The following ZNF804B variants were observed in gnomAD, a reference collection of about 807,000 sequenced individuals.
The protein encoded by ZNF804B is zinc finger protein 804B.
In ZNF804B, 80 loss-of-function variants were observed where a neutral mutation model predicts 101.4. The observed-to-expected ratio is 0.79, with a 90% CI of 0.66 to 0.95. The LOEUF (loss-of-function observed/expected upper bound fraction) is 0.95. Ranked by LOEUF, ZNF804B falls within the 40% of genes least tolerant of loss-of-function variation. The pLI, the probability that ZNF804B is intolerant of heterozygous loss-of-function variation, is 0.00. For synonymous variants in ZNF804B, 622 were observed against 558.8 expected, an observed-to-expected ratio of 1.11 and a Z score of -1.59; for missense variants, 1,673 against 1,561.9, an observed-to-expected ratio of 1.07 and a Z score of -1.20.
intron 1 of ZNF804B, among the ~76,000 whole-genome samples, chr7:88,855,926 A>G (rs1298293689): frequency 6.6e-6 from 1 of 152,122 alleles, no homozygotes; most frequent in Non-Finnish European, 1.5e-5. Flanking sequence ...GATATGTGGC[A>G]TTATTTCTGA....
At position 89,338,004 on chromosome 7, in the gene ZNF804B, A is replaced by G. The variant is rs1052337374; in HGVS notation, c.*972A>G. Among the ~76,000 whole-genome samples, 1 of 152,100 alleles carries G rather than the reference A, an allele frequency of 6.6e-6. No individual in the cohort carries two copies. Reference sequence around the variant, plus strand: ...TATCTGGTGTGTTTTATTCAATTGTACTAGATATTTATGAAACAATGAATA... The same window carrying G: ...TATCTGGTGTGTTTTATTCAATTGTGCTAGATATTTATGAAACAATGAATA... On this transcript the variant is annotated 3_prime_UTR_variant, in exon 4 of 4. Transcript: ENST00000333190.
chr7:89,045,414 G>A (rs1789090042), intron 1 of ZNF804B, among the ~76,000 whole-genome samples: 1 of 152,174 alleles, frequency 6.6e-6, no homozygotes, highest in African/African-American at 2.4e-5. Flanking sequence ...CCATTCTCCA[G>A]ACCCCAGAAT....
intron 2 of ZNF804B, among the ~76,000 whole-genome samples, chr7:89,252,505 C>T (rs966846695): frequency 2.0e-5 from 3 of 152,144 alleles, no homozygotes; most frequent in African/African-American, 7.2e-5. Flanking sequence ...ACAGGACTAC[C>T]ATTTGATCCA....
intron 1 of ZNF804B, among the ~76,000 whole-genome samples, chr7:89,070,798 A>G (rs1356614886): frequency 1.3e-5 from 2 of 152,064 alleles, no homozygotes; most frequent in Admixed American, 6.6e-5. Flanking sequence ...TCTCGAACTC[A>G]AGGAGCTCGC....
intron 1 of ZNF804B, among the ~76,000 whole-genome samples, chr7:89,025,852 C>T (rs1438400676): frequency 6.6e-6 from 1 of 152,072 alleles, no homozygotes; most frequent in Non-Finnish European, 1.5e-5. Flanking sequence ...TTTTACTCTA[C>T]TGAAATTACG....
chr7:88,870,254 G>A (rs564164296), intron 1 of ZNF804B, among the ~76,000 whole-genome samples: 333 of 150,834 alleles, frequency 2.2e-3, no homozygotes, highest in Non-Finnish European at 3.0e-3. Context: ...GCATGGTGGC[G>A]CGCGCCTGTA....
chr7:89,012,124 G>T (rs1257602009), intron 1 of ZNF804B, among the ~76,000 whole-genome samples: 2 of 152,130 alleles, frequency 1.3e-5, no homozygotes, highest in Non-Finnish European at 2.9e-5. Context: ...TTTGGGGCTT[G>T]CGCTCTCTGA....
chr7:89,215,935 T>C (rs1238907855), intron 1 of ZNF804B, among the ~76,000 whole-genome samples: 3 of 141,798 alleles, frequency 2.1e-5, no homozygotes, highest in Non-Finnish European at 4.7e-5. Flanking sequence ...AAATAAGAAC[T>C]ATGATTAAAA....
At position 88,962,952 on chromosome 7, in the gene ZNF804B, A is replaced by G. The variant is rs966659580; in HGVS notation, c.108+202868A>G. Among the ~76,000 whole-genome samples, 4 of 150,666 alleles carry G rather than the reference A, an allele frequency of 2.7e-5. No homozygotes were observed. In the East Asian group the frequency reaches 7.9e-4, roughly 30 times the overall value. Reference sequence around the variant, plus strand: ...CATCACACAGAAAAATACCCTAGACAATTAACATGTTTAGCTTCTGAGTTA... The same window carrying G: ...CATCACACAGAAAAATACCCTAGACGATTAACATGTTTAGCTTCTGAGTTA... On this transcript the variant is annotated intron_variant, in intron 1 of 3. Coordinates refer to ENST00000333190, the MANE Select transcript of ZNF804B (RefSeq NM_181646.5).
At chr7:88,989,572 A>T (rs898145046) in intron 1 of ZNF804B, among the ~76,000 whole-genome samples, 1 of 152,122 alleles carries the variant, frequency 6.6e-6, no homozygotes, top group Non-Finnish European at 1.5e-5. Context: ...CTACAAAAGA[A>T]TGATAAGTAA....
At chr7:89,163,589 T>C (rs1321219340) in intron 1 of ZNF804B, among the ~76,000 whole-genome samples, 1 of 152,154 alleles carries the variant, frequency 6.6e-6, no homozygotes, top group African/African-American at 2.4e-5. Context: ...ATCTGTTTGA[T>C]TTCTATCACT....
At chr7:89,001,339 CT>C (rs945363016) in intron 1 of ZNF804B, among the ~76,000 whole-genome samples, 14 of 150,252 alleles carry the variant, frequency 9.3e-5, no homozygotes, top group African/African-American at 3.4e-4. Flanking sequence ...TGAATATATT[CT>C]TTTTTTTCCT....
intron 1 of ZNF804B, among the ~76,000 whole-genome samples, chr7:88,945,076 G>A (rs371706821): frequency 9.2e-5 from 14 of 151,676 alleles, no homozygotes; most frequent in African/African-American, 3.1e-4. Flanking sequence ...TTTCCTTTGT[G>A]GAAGCTCTTT....
At chr7:89,315,150 G>A (rs770689819) in intron 2 of ZNF804B, among the ~76,000 whole-genome samples, 10 of 152,096 alleles carry the variant, frequency 6.6e-5, no homozygotes, top group Admixed American at 1.3e-4. Context: ...TGGTGAGAGC[G>A]AGAGCAAGGC....
intron 2 of ZNF804B, among the ~76,000 whole-genome samples, chr7:89,320,950 G>A (rs1299244096): frequency 6.6e-6 from 1 of 152,044 alleles, no homozygotes; most frequent in East Asian, 1.9e-4. Flanking sequence ...ATACAAAAAT[G>A]TATAAATAAA....
intron 1 of ZNF804B, among the ~76,000 whole-genome samples, chr7:89,087,056 CAAAA>C (rs35084707): frequency 4.7e-4 from 66 of 140,792 alleles, no homozygotes; most frequent in Non-Finnish European, 4.8e-4. Context: ...TTTTTAAATT[CAAAA>C]AAAAAAAAAA....
rs754310291 is a variant in ZNF804B, at chr7:89,335,512, C to A, written c.2530C>A (p.Pro844Thr). ...CTGTACTGGAAGCAGTAAAAAACCACCTAATTGCCAGGGAACTCAGCACGA... is the reference window on the plus strand; with the variant it reads ...CTGTACTGGAAGCAGTAAAAAACCAACTAATTGCCAGGGAACTCAGCACGA... ...ISCTGSSKKP[P>T]NCQGTQHDRL... The change falls in exon 4 of 4, where the codon CCT (proline) becomes ACT (threonine). Residue 844 changes from proline to threonine, a missense_variant. Transcript: ENST00000333190. The A allele has an allele frequency of 5.6e-6, 9 of 1,613,828 alleles. No individual in the cohort carries two copies. Among genetic ancestry groups the A allele is most frequent in the South Asian group, 1.1e-5 (1 of 91,086 alleles).
intron 1 of ZNF804B, among the ~76,000 whole-genome samples, chr7:88,962,708 CATAT>C (rs71120046): frequency 0.079 from 6,601 of 83,842 alleles, 220 homozygotes; most frequent in Admixed American, 0.12. Context: ...GTTAAACTCA[CATAT>C]ATATATATAT....
chr7:88,854,513 T>TTTCCTTTCCTTTCCTTTCCTTTCC (rs1562812852), intron 1 of ZNF804B, among the ~76,000 whole-genome samples: 4 of 72,278 alleles, frequency 5.5e-5, no homozygotes, highest in African/African-American at 2.1e-4. Flanking sequence ...TTTCCTTTCC[T>TTTCCTTTCCTTTCCTTTCCTTTCC]TTCCTTTCCT....
Sources: gnomAD v4.1 joint callset for allele counts (sites outside exome capture counted in the v4.1 genomes callset) on GRCh38, gnomAD v4.1.1 for gene constraint, MANE v1.5 for transcripts, NCBI Gene and HGNC (gene_info 2026-07-23, HGNC 2026-07-21) for gene names.